Variants in NODAL observed in about 807,000 individuals in gnomAD.
NODAL encodes the protein nodal growth differentiation factor.
Under a neutral mutation model 34.0 loss-of-function variants are expected in NODAL, and 12 were observed. The observed-to-expected ratio is 0.35, with a 90% CI of 0.23 to 0.57. The LOEUF (loss-of-function observed/expected upper bound fraction) is 0.57, where lower values mean the gene tolerates loss of function less well. Among genes scored for constraint, NODAL ranks in the 20% least tolerant of loss-of-function variants. NODAL has a pLI of 0.83. For missense variants in NODAL, 390 were observed against 444.2 expected (o/e 0.88, Z 1.10); for synonymous variants, 162 against 186.4 (o/e 0.87, Z 1.07).
chr10:70,435,429 C>T lies in NODAL; in HGVS notation c.748G>A (p.Val250Ile). Residue 250 changes from valine (V) to isoleucine (I), a missense_variant, in exon 2 of 3, where the codon GTC becomes ATC. Physicochemically the swap from Val to Ile is conservative, Grantham distance 29. Coordinates refer to ENST00000287139, the MANE Select transcript of NODAL (RefSeq NM_018055.5). ...LPDRSQLCRK[V>I]KFQVDFNLIG... Reference sequence around the variant, plus strand: ...AGGTTGAAGTCCACCTGGAACTTGACCTTCCGACACAGTTGACTTCTGTCT... The same window carrying T: ...AGGTTGAAGTCCACCTGGAACTTGATCTTCCGACACAGTTGACTTCTGTCT... 6.2e-7 allele frequency: 1 copy of T among 1,614,210 alleles called. No individual in the cohort carries two copies. Among genetic ancestry groups the T allele is most frequent in the Non-Finnish European group, 8.5e-7 (1 of 1,180,044 alleles).
At position 70,441,673 on chromosome 10, in the gene NODAL, G is replaced by T; in HGVS notation, c.-6C>A. 1 of 1,548,820 alleles carries T rather than the reference G, an allele frequency of 6.5e-7. No homozygotes were observed. The highest frequency in any genetic ancestry group is 8.7e-7 in the Non-Finnish European group (1 of 1,146,984). On this transcript the variant is annotated 5_prime_UTR_variant, in exon 1 of 3. Coordinates refer to ENST00000287139, the MANE Select transcript of NODAL (RefSeq NM_018055.5). ...GGCAGGCAGTGGGCGTGCATGGTGG[G>T]CTGGCCAGGCCTGAAAGCAGCACCT...
chr10:70,440,544 G>A (rs1297612672), intron 1 of NODAL, among the ~76,000 whole-genome samples: 1 of 152,150 alleles, frequency 6.6e-6, no homozygotes, highest in East Asian at 1.9e-4. Flanking sequence ...AGGGAGGGCC[G>A]TCTGGCCCCC....
upstream of NODAL, among the ~76,000 whole-genome samples, chr10:70,444,179 C>A (rs181454352): frequency 9.9e-5 from 15 of 152,220 alleles, no homozygotes; most frequent in East Asian, 2.5e-3. Context: ...GCGATCCACC[C>A]GCCTCAGCCT....
At chr10:70,439,228 C>T (rs1231621234) in intron 1 of NODAL, among the ~76,000 whole-genome samples, 2 of 152,182 alleles carry the variant, frequency 1.3e-5, no homozygotes, top group Admixed American at 6.5e-5. Context: ...CGGTCTTGAT[C>T]TCTTGACCTC....
chr10:70,441,751 C>A, upstream of NODAL: 3 of 1,418,438 alleles, frequency 2.1e-6, no homozygotes, highest in South Asian at 2.5e-5. Flanking sequence ...CCTTTCCTCC[C>A]TCTGGGGAAG....
chr10:70,443,429 C>G (rs560092497), upstream of NODAL, among the ~76,000 whole-genome samples: 1 of 152,268 alleles, frequency 6.6e-6, no homozygotes, highest in Admixed American at 6.5e-5. Context: ...TGGTTCATGC[C>G]TGTAATCCCA....
chr10:70,437,055 G>A (rs1057200727), intron 1 of NODAL, among the ~76,000 whole-genome samples: 8 of 152,188 alleles, frequency 5.3e-5, no homozygotes, highest in African/African-American at 1.7e-4. Flanking sequence ...CAAGCTGGAT[G>A]ACAAGGAGTA....
chr10:70,435,519 A>G lies in NODAL; in HGVS notation c.658T>C (p.Trp220Arg), dbSNP rs776168916. 105 of 1,613,930 alleles carry G rather than the reference A, an allele frequency of 6.5e-5. No individual in the cohort carries two copies. Among genetic ancestry groups the G allele is most frequent in the Non-Finnish European group, 8.4e-5 (99 of 1,180,014 alleles). The change falls in exon 2 of 3, where the codon TGG becomes CGG. Residue 220 changes from tryptophan to arginine, a missense_variant. Physicochemically the swap from Trp to Arg is moderately radical, Grantham distance 101. Transcript: ENST00000287139. ...GACAGCTGTCCCTCCTGGGCCCGCC[A>G]GGAGCTCTCGGCTTCCCACAGCAAG... ...STLLWEAESS[W>R]RAQEGQLSWE...
At chr10:70,440,594 C>A (rs1396362990) in intron 1 of NODAL, among the ~76,000 whole-genome samples, 1 of 152,130 alleles carries the variant, frequency 6.6e-6, no homozygotes, top group African/African-American at 2.4e-5. Flanking sequence ...GCTGCCCAGG[C>A]GGCAGAATGT....
intron 1 of NODAL, among the ~76,000 whole-genome samples, chr10:70,437,698 T>G (rs1845374416): frequency 6.6e-6 from 1 of 152,200 alleles, no homozygotes; most frequent in Admixed American, 6.5e-5. Context: ...CATAACAGTT[T>G]ATTCATTGAC....
intron 1 of NODAL, among the ~76,000 whole-genome samples, chr10:70,447,657 T>A (rs1845502630): frequency 2.3e-5 from 1 of 42,878 alleles, no homozygotes. Context: ...TGAGACCCTG[T>A]CTCAGGAAAA....
chr10:70,447,080 T>C (rs1226753841), intron 1 of NODAL, among the ~76,000 whole-genome samples: 7 of 150,016 alleles, frequency 4.7e-5, no homozygotes, highest in Admixed American at 6.6e-5. Flanking sequence ...TTCTTCTTTT[T>C]TTTTTTTTTT....
intron 1 of NODAL, chr10:70,436,323 C>T (rs527641201): frequency 5.3e-6 from 2 of 378,852 alleles, no homozygotes; most frequent in South Asian, 4.6e-5. Context: ...AGAGGACAGT[C>T]AGTAAAAATG....
chr10:70,445,244 T>A (rs558192235), upstream of NODAL, among the ~76,000 whole-genome samples: 247 of 152,256 alleles, frequency 1.6e-3, 1 homozygote, highest in African/African-American at 3.8e-3. Flanking sequence ...TTCTTTTTTT[T>A]AATTTTTAAT....
upstream of NODAL, among the ~76,000 whole-genome samples, chr10:70,444,430 A>G: frequency 6.6e-6 from 1 of 151,866 alleles, no homozygotes; most frequent in East Asian, 1.9e-4. Flanking sequence ...CCTGGGTTCA[A>G]GTGATTCTCC....
At chr10:70,440,149 A>G (rs924213214) in intron 1 of NODAL, among the ~76,000 whole-genome samples, 19 of 152,362 alleles carry the variant, frequency 1.2e-4, no homozygotes, top group Admixed American at 1.2e-3. Context: ...GGGAAGGCAG[A>G]TAAACCAAGA....
chr10:70,439,371 C>G (rs1320416379), intron 1 of NODAL, among the ~76,000 whole-genome samples: 1 of 152,188 alleles, frequency 6.6e-6, no homozygotes, highest in East Asian at 1.9e-4. Context: ...ACACCGCCGT[C>G]CCCAGACAGG....
Position 70,441,456 on chromosome 10 carries a change from G to A in NODAL, c.193+19C>T. 1 of 1,561,044 alleles carries A rather than the reference G, an allele frequency of 6.4e-7. No individual in the cohort carries two copies. The highest frequency in any genetic ancestry group is 8.6e-7 in the Non-Finnish European group (1 of 1,156,274). ...GCCCCGGGGGTGCCCAGCAGGGCGC[G>A]GCACGCGGCACTGCCTACCTTCTGC... On this transcript the variant is annotated intron_variant, in intron 1 of 2. Coordinates refer to ENST00000287139, the MANE Select transcript of NODAL (RefSeq NM_018055.5).
intron 1 of NODAL, among the ~76,000 whole-genome samples, chr10:70,439,043 T>C (rs549643113): frequency 1.3e-3 from 192 of 151,764 alleles, no homozygotes; most frequent in African/African-American, 4.4e-3. Context: ...TCTCGCTCTG[T>C]GGCCAGGCTC....
Sources: gnomAD v4.1 joint callset for allele counts (sites outside exome capture counted in the v4.1 genomes callset) on GRCh38, gnomAD v4.1.1 for gene constraint, MANE v1.5 for transcripts, NCBI Gene and HGNC (gene_info 2026-07-23, HGNC 2026-07-21) for gene names.